Variants in TSHZ2 observed in about 807,000 individuals in gnomAD.
TSHZ2 encodes the protein teashirt homolog 2.
Under a neutral mutation model 74.4 loss-of-function variants are expected in TSHZ2, and 21 were observed. The observed-to-expected ratio is 0.28, with a 90% CI of 0.20 to 0.41. TSHZ2 has a LOEUF of 0.41. Among genes scored for constraint, TSHZ2 ranks in the 10% least tolerant of loss-of-function variants. The pLI is 1.00. For missense variants in TSHZ2, 1,244 were observed against 1,293.5 expected, an observed-to-expected ratio of 0.96 and a Z score of 0.59; for synonymous variants, 540 against 515.3, an observed-to-expected ratio of 1.05 and a Z score of -0.65.
At chr20:53,024,242 AG>A in intron 1 of TSHZ2, among the ~76,000 whole-genome samples, 1 of 152,010 alleles carries the variant, frequency 6.6e-6, no homozygotes, top group Non-Finnish European at 1.5e-5. Context: ...TATTGTTAGT[AG>A]GTCAAGCCAA....
chr20:53,226,859 T>C (rs970014225), intron 1 of TSHZ2, among the ~76,000 whole-genome samples: 3 of 152,110 alleles, frequency 2.0e-5, no homozygotes, highest in Non-Finnish European at 2.9e-5. Context: ...AATCCCCCCG[T>C]TGAGATCTAG....
intron 1 of TSHZ2, among the ~76,000 whole-genome samples, chr20:53,241,329 G>A (rs73620436): frequency 5.3e-5 from 8 of 152,196 alleles, no homozygotes; most frequent in East Asian, 3.9e-4. Flanking sequence ...GCTCAGACTC[G>A]CTGTTCCATA....
intron 2 of TSHZ2, among the ~76,000 whole-genome samples, chr20:53,303,946 C>A (rs1160639561): frequency 6.6e-6 from 1 of 152,110 alleles, no homozygotes; most frequent in African/African-American, 2.4e-5. Flanking sequence ...TTTATCACTT[C>A]CCTAGAGTTA....
chr20:53,082,431 A>G (rs746912569), intron 1 of TSHZ2, among the ~76,000 whole-genome samples: 12 of 152,204 alleles, frequency 7.9e-5, no homozygotes, highest in Non-Finnish European at 1.3e-4. Flanking sequence ...TTAGTAGTAA[A>G]AGTAATTACC....
At chr20:53,097,332 C>T (rs1291005494) in intron 1 of TSHZ2, among the ~76,000 whole-genome samples, 1 of 152,168 alleles carries the variant, frequency 6.6e-6, no homozygotes, top group Non-Finnish European at 1.5e-5. Context: ...TACTTCCCAA[C>T]CTGCTTAAGA....
At chr20:53,177,806 C>T (rs943735304) in intron 1 of TSHZ2, among the ~76,000 whole-genome samples, 7 of 152,062 alleles carry the variant, frequency 4.6e-5, no homozygotes, top group Non-Finnish European at 8.8e-5. Context: ...CTACAGTGCC[C>T]AAGGTAGGAC....
chr20:53,426,006 T>G (rs1173711633), intron 2 of TSHZ2, among the ~76,000 whole-genome samples: 1 of 152,180 alleles, frequency 6.6e-6, no homozygotes, highest in Non-Finnish European at 1.5e-5. Context: ...TATTGGGAAC[T>G]CAGTTCAGTT....
In TSHZ2 at chr20:53,187,469, G is replaced by A. The variant is rs190806921; in HGVS notation, c.41-66030G>A. ...ATGGTCTTTGTTTCTGCAGCAGTGAGCAGTTGGCTTGCTATTTGCTTTACC... is the reference window on the plus strand; with the variant it reads ...ATGGTCTTTGTTTCTGCAGCAGTGAACAGTTGGCTTGCTATTTGCTTTACC... On this transcript the variant is annotated intron_variant, in intron 1 of 2. Coordinates refer to ENST00000371497, the MANE Select transcript of TSHZ2 (RefSeq NM_173485.6). 3.9e-5 allele frequency among the ~76,000 whole-genome samples: 6 copies of A among 152,304 alleles called. No homozygotes were observed. In the East Asian group the frequency reaches 1.2e-3, roughly 29 times the overall value.
At chr20:53,243,776 A>G (rs934475563) in intron 1 of TSHZ2, among the ~76,000 whole-genome samples, 17 of 151,678 alleles carry the variant, frequency 1.1e-4, no homozygotes, top group African/African-American at 3.9e-4. Context: ...GATAGTGCCA[A>G]TGTAGCTTTT....
At chr20:53,276,004 C>G (rs1990938924) in intron 2 of TSHZ2, among the ~76,000 whole-genome samples, 1 of 152,184 alleles carries the variant, frequency 6.6e-6, no homozygotes, top group African/African-American at 2.4e-5. Context: ...ATTTACAATT[C>G]ACTGCAAACC....
chr20:53,447,712 T>C (rs1202398699), intron 2 of TSHZ2, among the ~76,000 whole-genome samples: 1 of 152,184 alleles, frequency 6.6e-6, no homozygotes, highest in South Asian at 2.1e-4. Context: ...TTTTGTGAAA[T>C]GTCTCCCACT....
intron 1 of TSHZ2, among the ~76,000 whole-genome samples, chr20:53,016,195 T>A (rs947820435): frequency 6.6e-6 from 1 of 152,198 alleles, no homozygotes; most frequent in Non-Finnish European, 1.5e-5. Flanking sequence ...CCCTGAGGAA[T>A]GGCTCATTTT....
chr20:53,239,576 G>A (rs1012520177), intron 1 of TSHZ2, among the ~76,000 whole-genome samples: 16 of 152,106 alleles, frequency 1.1e-4, no homozygotes, highest in Admixed American at 7.9e-4. Flanking sequence ...GAAGACCTTG[G>A]GGAGGAGATG....
intron 2 of TSHZ2, among the ~76,000 whole-genome samples, chr20:53,340,184 C>CTTTTTTTTTTTTTTTTTTT (rs557613827): frequency 7.3e-5 from 8 of 109,872 alleles, no homozygotes; most frequent in East Asian, 2.8e-4. Context: ...TTTCTTTTTT[C>CTTTTTTTTTTTTTTTTTTT]TTTTTTTTTT....
At chr20:53,297,530 A>G (rs1991402177) in intron 2 of TSHZ2, among the ~76,000 whole-genome samples, 1 of 152,212 alleles carries the variant, frequency 6.6e-6, no homozygotes, top group Admixed American at 6.5e-5. Flanking sequence ...TGCTGCGATT[A>G]TAGGCATGAG....
intron 2 of TSHZ2, among the ~76,000 whole-genome samples, chr20:53,380,199 A>T (rs1981810109): frequency 6.6e-6 from 1 of 151,996 alleles, no homozygotes; most frequent in African/African-American, 2.4e-5. Context: ...TTTATTTAAA[A>T]CTGTGGTAAA....
Position 53,488,931 on chromosome 20 carries a change from C to A in TSHZ2, c.*1796C>A. ...TTGCTTTTTTTATGGCATGCATAAC[C>A]TAGATGGGAAAAAATATGGCGCTTC... On this transcript the variant is annotated 3_prime_UTR_variant, in exon 3 of 3. Coordinates refer to ENST00000371497, the MANE Select transcript of TSHZ2 (RefSeq NM_173485.6). The A allele has an allele frequency of 2.2e-6, 1 of 454,400 alleles. No individual in the cohort carries two copies. The highest frequency in any genetic ancestry group is 4.4e-6 in the Non-Finnish European group (1 of 225,906). The allele number at this position is 454,400 out of a possible 1,614,324, so 28.1% of individuals were successfully genotyped here.
intron 2 of TSHZ2, among the ~76,000 whole-genome samples, chr20:53,479,560 A>G (rs566917944): frequency 1.3e-5 from 2 of 152,360 alleles, no homozygotes; most frequent in African/African-American, 4.8e-5. Flanking sequence ...TTAAATTCCA[A>G]ATAAAGCAAA....
At chr20:53,468,811 A>G (rs1985644315) in intron 2 of TSHZ2, among the ~76,000 whole-genome samples, 1 of 150,696 alleles carries the variant, frequency 6.6e-6, no homozygotes, top group African/African-American at 2.4e-5. Context: ...TACAAATTGT[A>G]CTTTAAAAGA....
Sources: allele counts gnomAD v4.1 joint callset (sites outside exome capture counted in the v4.1 genomes callset), GRCh38; gene constraint gnomAD v4.1.1; transcripts MANE v1.5; gene names NCBI Gene and HGNC (gene_info 2026-07-23, HGNC 2026-07-21).